Variants in RPUSD4 observed in about 807,000 individuals in gnomAD.
The protein encoded by RPUSD4 is pseudouridylate synthase RPUSD4, mitochondrial.
In RPUSD4, 37 loss-of-function variants were observed where a neutral mutation model predicts 35.4. The observed-to-expected ratio is 1.04, with a 90% CI of 0.80 to 1.37. The LOEUF (loss-of-function observed/expected upper bound fraction) is 1.37. Among genes scored for constraint, RPUSD4 ranks in the 40% most tolerant of loss-of-function variants. The pLI, the probability that RPUSD4 is intolerant of heterozygous loss-of-function variation, is 0.00. For missense variants in RPUSD4, 507 were observed against 484.9 expected (o/e 1.05, Z -0.43); for synonymous variants, 210 against 192.7 (o/e 1.09, Z -0.74).
chr11:126,205,429 G>A lies in RPUSD4; in HGVS notation c.796+39C>T, dbSNP rs746178450. ...GCCCTGGACAAAACCTGGTGGCACA[G>A]GGTTTTGTGATCCCACTGCGGAAAA... On this transcript the variant is annotated intron_variant, in intron 5 of 6. Coordinates refer to ENST00000298317, the MANE Select transcript of RPUSD4 (RefSeq NM_032795.3). The A allele has an allele frequency of 1.1e-5, 17 of 1,611,490 alleles. No individual in the cohort carries two copies. In the African/African-American group the frequency reaches 2.3e-4, roughly 22 times the overall value.
At chr11:126,205,876 C>T in intron 3 of RPUSD4, 95 bp from the exon 4 acceptor site, 1 of 823,476 alleles carries the variant, frequency 1.2e-6, no homozygotes, top group Non-Finnish European at 1.9e-6. Flanking sequence ...ACCTTCTGCA[C>T]TAACATGTGA....
rs1339748607 is a variant in RPUSD4 at position 126,202,358 on chromosome 11, A to G, written c.*1060T>C. ...TTTCCATCTATCCCTAATGGTGTTC[A>G]GTATAGCCCTCTCCTTCCTGAGACC... On this transcript the variant is annotated 3_prime_UTR_variant, in exon 7 of 7. Coordinates refer to ENST00000298317, the MANE Select transcript of RPUSD4 (RefSeq NM_032795.3). 3 of 152,240 alleles carry G rather than the reference A, an allele frequency of 2.0e-5. No homozygotes were observed. The highest frequency in any genetic ancestry group is 2.0e-4 in the Admixed American group (3 of 15,282). The allele number at this position is 152,240 out of a possible 1,614,324, so 9.4% of individuals were successfully genotyped here.
rs577696282 is a variant in RPUSD4, at chr11:126,204,523, G to A, written c.797-195C>T. Among the ~76,000 whole-genome samples the A allele has an allele frequency of 4.6e-5, 7 of 152,224 alleles. No individual in the cohort carries two copies. The East Asian group carries it at 1.2e-3, about 25-fold the overall frequency. ...CCAGCCAGTTTAGGAAGTAAACGCCGTAAATACTCTAAGTACCTCTCCCCA... is the reference window on the plus strand; with the variant it reads ...CCAGCCAGTTTAGGAAGTAAACGCCATAAATACTCTAAGTACCTCTCCCCA... On this transcript the variant is annotated intron_variant, in intron 5 of 6. Coordinates refer to ENST00000298317, the MANE Select transcript of RPUSD4 (RefSeq NM_032795.3).
chr11:126,204,989 G>A (rs1419089329), intron 5 of RPUSD4, among the ~76,000 whole-genome samples: 1 of 152,108 alleles, frequency 6.6e-6, no homozygotes, highest in East Asian at 1.9e-4. Flanking sequence ...TTAGCATAAT[G>A]TTTTCAAGGT....
At chr11:126,206,761 T>G (rs1464195802) in intron 3 of RPUSD4, among the ~76,000 whole-genome samples, 1 of 152,206 alleles carries the variant, frequency 6.6e-6, no homozygotes, top group Non-Finnish European at 1.5e-5. Flanking sequence ...GTATAATCAC[T>G]AACCACGGGG....
At chr11:126,208,475 T>C (rs1461477916) in intron 3 of RPUSD4, 2 of 152,224 alleles carry the variant, frequency 1.3e-5, no homozygotes, top group Admixed American at 1.3e-4. Flanking sequence ...GTCACAGCGA[T>C]TGACGCTGGG....
At chr11:126,204,472 T>C in intron 5 of RPUSD4, 144 bp from the exon 6 acceptor site, 3 of 596,400 alleles carry the variant, frequency 5.0e-6, no homozygotes, top group Non-Finnish European at 8.7e-6. Flanking sequence ...TAACGAATAA[T>C]ATAGCAAACT....
chr11:126,211,189 T>C (rs1200822381), intron 1 of RPUSD4, 134 bp from the exon 2 acceptor site: 1 of 1,120,726 alleles, frequency 8.9e-7, no homozygotes, highest in Non-Finnish European at 1.3e-6. Context: ...TTCGACTAAT[T>C]TGAGAGCAGA....
chr11:126,209,691 A>T lies in RPUSD4; in HGVS notation c.387T>A (p.Asp129Glu), dbSNP rs1215092381. Residue 129 changes from aspartate to glutamate, a missense_variant, in exon 3 of 7, where the codon GAT becomes GAA. Asp to Glu is a conservative substitution (Grantham distance 45). Transcript: ENST00000298317. ...GCATCTTTGCCAGGATAGGTAGTAC[A>T]TCAGTGATGCAGAGCTGGACCCCAG... ...GGPGVQLCITDVLPILAKMLH... is the reference protein window; with the variant it reads ...GGPGVQLCITEVLPILAKMLH... 1.9e-6 allele frequency: 3 copies of T among 1,614,042 alleles called. No homozygotes were observed. The South Asian group carries it at 3.3e-5, about 18-fold the overall frequency.
Position 126,205,547 on chromosome 11 carries a change from A to C in RPUSD4, c.717T>G (p.Asn239Lys). 1 of 1,614,284 alleles carries C rather than the reference A, an allele frequency of 6.2e-7. No individual in the cohort carries two copies. Among genetic ancestry groups the C allele is most frequent in the South Asian group, 1.1e-5 (1 of 91,092 alleles). ...GKMVKVRRSR[N>K]AQVAVTQYQV... ...GGTACTGAGTTACAGCAACTTGCGC[A>C]TTCCGGCTGCGCCGCACTTTCACCA... is the stretch of plus-strand genomic sequence containing the variant. Residue 239 changes from asparagine (N) to lysine (K), a missense_variant, in exon 5 of 7, where the codon AAT (asparagine) becomes AAG (lysine). Asn to Lys is a moderately conservative substitution (Grantham distance 94). Transcript: ENST00000298317.
Position 126,203,461 on chromosome 11 carries a change from T to C in RPUSD4, c.1091A>G (p.Asp364Gly). The C allele has an allele frequency of 6.2e-7, 1 of 1,614,132 alleles. No individual in the cohort carries two copies. Among genetic ancestry groups the C allele is most frequent in the Non-Finnish European group, 8.5e-7 (1 of 1,180,036 alleles). The change falls in exon 7 of 7, where the codon GAT becomes GGT. Residue 364 changes from aspartate to glycine, a missense_variant. Transcript: ENST00000298317. The part of the protein sequence containing the change: ...HRLRLEMPNE[D>G]QNENNEAKCL... ...CTTGGCTTCATTGTTCTCATTTTGA[T>C]CCTCATTTGGCATCTCTAAACGCAG...
rs747010073 is a variant in RPUSD4, at chr11:126,209,735, A to G, written c.356-13T>C. 9.9e-6 allele frequency: 16 copies of G among 1,609,680 alleles called. No individual in the cohort carries two copies. The Admixed American group carries it at 1.5e-4, about 15-fold the overall frequency. On this transcript the variant is annotated splice_polypyrimidine_tract_variant and intron_variant, in intron 2 of 6. Coordinates refer to ENST00000298317, the MANE Select transcript of RPUSD4 (RefSeq NM_032795.3). ...ACCCCAGGGCCACCTAAGAAGGAAAAAGCCAAAGGTTTGAGCGGCCAGGAA... is the reference window on the plus strand; with the variant it reads ...ACCCCAGGGCCACCTAAGAAGGAAAGAGCCAAAGGTTTGAGCGGCCAGGAA...
chr11:126,204,861 T>C (rs993517460), intron 5 of RPUSD4, among the ~76,000 whole-genome samples: 15 of 152,174 alleles, frequency 9.9e-5, no homozygotes, highest in African/African-American at 3.1e-4. Flanking sequence ...TCCTTTACCC[T>C]ACCCTAAGAT....
rs768816696 is a variant in RPUSD4 at position 126,211,064 on chromosome 11, AAAG to A, written c.190-12_190-10del. The A allele has an allele frequency of 1.9e-6, 3 of 1,608,646 alleles. No homozygotes were observed. Among genetic ancestry groups the A allele is most frequent in the East Asian group, 2.2e-5 (1 of 44,830 alleles). ...ACAGCGTTTGTGGACACCTAGGGAG[AAAG>A]AAGGAGCCGTGGGGAATGCCTGGTG... On this transcript the variant is annotated splice_polypyrimidine_tract_variant and intron_variant, in intron 1 of 6. Coordinates refer to ENST00000298317, the MANE Select transcript of RPUSD4 (RefSeq NM_032795.3).
intron 5 of RPUSD4, among the ~76,000 whole-genome samples, chr11:126,204,954 C>T (rs139544415): frequency 6.6e-6 from 1 of 152,146 alleles, no homozygotes. Context: ...ATAATATTTG[C>T]CCTTTTGTGC....
chr11:126,210,716 CTTAT>C (rs149928866), intron 2 of RPUSD4, among the ~76,000 whole-genome samples, 170 bp downstream of exon 2: 19,677 of 151,770 alleles, frequency 0.13, 1,359 homozygotes, highest in Non-Finnish European at 0.17. Context: ...GGAGGACTGT[CTTAT>C]TTATTTATTT....
chr11:126,209,641 A>G lies in RPUSD4; in HGVS notation c.437T>C (p.Leu146Ser). The change falls in exon 3 of 7, where the codon TTG becomes TCG. Residue 146 changes from leucine (L) to serine (S), a missense_variant. Transcript: ENST00000298317. ...KMLHGHKAEPLHLCHRLDKET... is the reference protein window; with the variant it reads ...KMLHGHKAEPSHLCHRLDKET... ...CTTGTCCAGCCGGTGGCACAGATGC[A>G]AGGGCTCTGCCTTGTGGCCATGAAG... is the stretch of plus-strand genomic sequence containing the variant. 6.2e-7 allele frequency: 1 copy of G among 1,614,210 alleles called. No individual in the cohort carries two copies. The highest frequency in any genetic ancestry group is 8.5e-7 in the Non-Finnish European group (1 of 1,180,034).
chr11:126,205,988 C>T (rs1170383262), intron 3 of RPUSD4: 6 of 435,246 alleles, frequency 1.4e-5, no homozygotes, highest in African/African-American at 1.0e-4. Flanking sequence ...TAAAGTCATA[C>T]ATGCTAATTG....
chr11:126,204,356 G>A, intron 5 of RPUSD4, 28 bp from the exon 6 acceptor site: 2 of 1,544,592 alleles, frequency 1.3e-6, no homozygotes, highest in Non-Finnish European at 1.8e-6. Context: ...GAGAAAGAGA[G>A]AAAACTCGTG....
Sources: gnomAD v4.1 joint callset for allele counts (sites outside exome capture counted in the v4.1 genomes callset) on GRCh38, gnomAD v4.1.1 for gene constraint, MANE v1.5 for transcripts, NCBI Gene and HGNC (gene_info 2026-07-23, HGNC 2026-07-21) for gene names.